ARHGEF4: variants seen among roughly 807,000 people sequenced by gnomAD.
The protein encoded by ARHGEF4 is APC-stimulated guanine nucleotide exchange factor 1.
ARHGEF4 carries 119 observed loss-of-function variants against 162.0 expected under a neutral mutation model. The observed-to-expected ratio is 0.73, with a 90% CI of 0.63 to 0.86. The LOEUF is 0.86. ARHGEF4 is among the 40% of genes least tolerant of loss of function. The probability of loss-of-function intolerance (pLI) is 0.00; values close to 1 mark genes in which losing one functional copy is unlikely to be tolerated. For missense variants in ARHGEF4, 2,488 were observed against 2,456.0 expected, an observed-to-expected ratio of 1.01 and a Z score of -0.28; for synonymous variants, 1,014 against 979.9, an observed-to-expected ratio of 1.03 and a Z score of -0.65.
At chr2:130,992,806 A>G (rs1287373984) in intron 4 of ARHGEF4, among the ~76,000 whole-genome samples, 5 of 152,326 alleles carry the variant, frequency 3.3e-5, no homozygotes, top group African/African-American at 1.2e-4. Context: ...GACATCGGCC[A>G]GGTTCAGTAC....
chr2:130,912,089 G>A (rs1338012220), intron 1 of ARHGEF4, among the ~76,000 whole-genome samples: 7 of 152,256 alleles, frequency 4.6e-5, no homozygotes, highest in African/African-American at 1.7e-4. Context: ...ACTGAGCTGA[G>A]CACCCTGCCC....
chr2:131,045,978 C>A, intron 13 of ARHGEF4, 60 bp from the exon 14 acceptor site: 1 of 1,562,766 alleles, frequency 6.4e-7, no homozygotes, highest in Non-Finnish European at 8.7e-7. Flanking sequence ...CTGTCCCCAA[C>A]AGCTGGGGTG....
intron 4 of ARHGEF4, among the ~76,000 whole-genome samples, chr2:130,966,653 C>T (rs1243798989): frequency 2.0e-5 from 3 of 152,156 alleles, no homozygotes; most frequent in Non-Finnish European, 4.4e-5. Flanking sequence ...TCTGTGCCAG[C>T]GAGGACGGGC....
chr2:131,040,996 CA>C (rs1690771537), intron 8 of ARHGEF4, among the ~76,000 whole-genome samples: 1 of 152,194 alleles, frequency 6.6e-6, no homozygotes, highest in Non-Finnish European at 1.5e-5. Context: ...GGATTTCACC[CA>C]GAAGGCTAGC....
Position 130,958,157 on chromosome 2 carries a change from G to A in ARHGEF4, c.3985+11522G>A, listed in dbSNP as rs145007623. On this transcript the variant is annotated intron_variant, in intron 4 of 13. Transcript: ENST00000409359. ...ACTAAGCCTCAGCAACAGGTGGCTG[G>A]GGGCAGGATGAGAAATACCACTGTC... Among the ~76,000 whole-genome samples the A allele has an allele frequency of 3.2e-3, 492 of 152,150 alleles. 3 individuals are homozygous for A. The highest frequency in any genetic ancestry group is 0.011 in the African/African-American group (470 of 41,502).
intron 1 of ARHGEF4, among the ~76,000 whole-genome samples, chr2:130,847,352 A>G (rs545049019): frequency 6.6e-6 from 1 of 152,202 alleles, no homozygotes; most frequent in Non-Finnish European, 1.5e-5. Context: ...GCCGGGGGAA[A>G]TTATTGAGCC....
chr2:130,915,188 C>T lies in ARHGEF4; in HGVS notation c.1242C>T (p.Ala414=), dbSNP rs1326944701. The T allele has an allele frequency of 1.3e-6, 2 of 1,550,484 alleles. No individual in the cohort carries two copies. The highest frequency in any genetic ancestry group is 4.9e-5 in the East Asian group (2 of 40,924). ...CTGGTGGGTTTCGCTTGCAAAGGGC[C>T]TCTCAGGACACTCCTTCTGCAGGTC... ...CKPGGFRLQR[A]SQDTPSAGLL... Residue 414 remains alanine, a synonymous_variant, in exon 2 of 14, where the codon GCC becomes GCT. Transcript: ENST00000409359.
rs1243368790 is a variant in ARHGEF4, at chr2:130,915,914, C to A, written c.1968C>A (p.Pro656=). The part of the protein sequence containing the change: ...SNAGPVPETL[P]RDFPKERPES... Reference sequence around the variant, plus strand: ...CGGGGCCTGTTCCAGAAACACTGCCCCGTGACTTTCCTAAGGAAAGACCAG... The same window carrying A: ...CGGGGCCTGTTCCAGAAACACTGCCACGTGACTTTCCTAAGGAAAGACCAG... Residue 656 remains proline, a synonymous_variant, in exon 2 of 14, where the codon CCC becomes CCA. Coordinates refer to ENST00000409359, the MANE Select transcript of ARHGEF4 (RefSeq NM_001367493.1). 2.6e-6 allele frequency: 4 copies of A among 1,550,408 alleles called. No individual in the cohort carries two copies. The highest frequency in any genetic ancestry group is 3.5e-6 in the Non-Finnish European group (4 of 1,146,990).
In ARHGEF4 at chr2:130,915,513, A is replaced by G; in HGVS notation, c.1567A>G (p.Lys523Glu). Residue 523 changes from lysine (K) to glutamate (E), a missense_variant, in exon 2 of 14, where the codon AAG becomes GAG. Around this residue, in one of 6 missense-constraint regions of ARHGEF4, gnomAD observed 1,642 missense variants for 1,481.5 expected, o/e 1.11. Transcript: ENST00000409359. ...SEESKSPTRAKFPRQPSSEGT... is the reference protein window; with the variant it reads ...SEESKSPTRAEFPRQPSSEGT... ...GGAAAGCAAGTCACCTACCAGGGCC[A>G]AGTTCCCACGGCAGCCTAGCAGTGA... 1 of 1,550,594 alleles carries G rather than the reference A, an allele frequency of 6.4e-7. No homozygotes were observed. The highest frequency in any genetic ancestry group is 8.7e-7 in the Non-Finnish European group (1 of 1,147,008).
At chr2:131,044,573 C>G (rs760385553) in intron 12 of ARHGEF4, 31 bp downstream of exon 12, 1 of 1,536,982 alleles carries the variant, frequency 6.5e-7, no homozygotes. Context: ...TTGCCCCGCC[C>G]CCAGGGCCCA....
chr2:130,855,763 A>G (rs1460193074), intron 1 of ARHGEF4, among the ~76,000 whole-genome samples: 2 of 152,216 alleles, frequency 1.3e-5, no homozygotes, highest in Admixed American at 1.3e-4. Flanking sequence ...GTGCAGTTTG[A>G]ATAATCTAAG....
chr2:131,044,910 G>A (rs541631606), intron 12 of ARHGEF4, among the ~76,000 whole-genome samples: 1 of 152,174 alleles, frequency 6.6e-6, no homozygotes, highest in African/African-American at 2.4e-5. Flanking sequence ...GCCAGCAAAA[G>A]CCCTGGGAGA....
chr2:130,939,440 G>A (rs1190492770), intron 3 of ARHGEF4, among the ~76,000 whole-genome samples: 9 of 152,070 alleles, frequency 5.9e-5, no homozygotes, highest in African/African-American at 9.7e-5. Flanking sequence ...TGGTACTGTC[G>A]ATCCATGTGT....
At chr2:131,033,005 G>A (rs1356695217) in intron 5 of ARHGEF4, among the ~76,000 whole-genome samples, 20 of 151,728 alleles carry the variant, frequency 1.3e-4, no homozygotes, top group African/African-American at 4.1e-4. Context: ...GGCACATGCC[G>A]CCACTCCTGG....
intron 4 of ARHGEF4, among the ~76,000 whole-genome samples, chr2:130,949,965 A>C (rs766211605): frequency 6.6e-6 from 1 of 152,182 alleles, no homozygotes; most frequent in Non-Finnish European, 1.5e-5. Flanking sequence ...GAGGCTTTTT[A>C]TTAATAGGTG....
intron 1 of ARHGEF4, among the ~76,000 whole-genome samples, chr2:130,846,556 G>A (rs371853240): frequency 5.9e-5 from 9 of 152,348 alleles, no homozygotes; most frequent in Non-Finnish European, 7.3e-5. Flanking sequence ...TGGGGAGAGC[G>A]ATATGGGACG....
At chr2:131,045,133 A>C (rs752130490) in intron 12 of ARHGEF4, among the ~76,000 whole-genome samples, 1 of 152,130 alleles carries the variant, frequency 6.6e-6, no homozygotes, top group Non-Finnish European at 1.5e-5. Context: ...CAGAGGAAGG[A>C]CTCGGGGATC....
intron 6 of ARHGEF4, chr2:131,039,625 G>A (rs1690604323): frequency 6.4e-6 from 7 of 1,097,406 alleles, no homozygotes; most frequent in Non-Finnish European, 7.8e-6. Context: ...TGTCCACTCC[G>A]CACCCTAAGC....
chr2:130,904,987 G>T (rs1323885480), intron 1 of ARHGEF4, among the ~76,000 whole-genome samples: 1 of 152,232 alleles, frequency 6.6e-6, no homozygotes, highest in African/African-American at 2.4e-5. Context: ...GCTGAGGCAC[G>T]AGAATCGCTT....
Sources: gnomAD v4.1 joint callset for allele counts (sites outside exome capture counted in the v4.1 genomes callset) on GRCh38, gnomAD v4.1.1 for gene constraint, gnomAD v4.1.1 regional missense constraint, MANE v1.5 for transcripts, NCBI Gene and HGNC (gene_info 2026-07-23, HGNC 2026-07-21) for gene names.